EIF2D: variants seen among roughly 807,000 people sequenced by gnomAD.
EIF2D encodes hepatocellular carcinoma-associated antigen 56.
In EIF2D, 56 loss-of-function variants were observed where a neutral mutation model predicts 77.4. That is an observed-to-expected ratio of 0.72 (90% CI 0.58 to 0.90). EIF2D has a LOEUF of 0.90. Ranked by LOEUF, EIF2D falls within the 40% of genes least tolerant of loss-of-function variation. The probability of loss-of-function intolerance (pLI) is 0.00; values close to 1 mark genes in which losing one functional copy is unlikely to be tolerated. For synonymous variants in EIF2D, 230 were observed against 271.0 expected, an observed-to-expected ratio of 0.85 and a Z score of 1.49; for missense variants, 574 against 706.5, an observed-to-expected ratio of 0.81 and a Z score of 2.13.
chr1:206,591,635 A>G (rs1553408960), downstream of EIF2D: 1 of 770,386 alleles, frequency 1.3e-6, no homozygotes, highest in Non-Finnish European at 2.1e-6. Flanking sequence ...ACAAGAGGGA[A>G]GTCAGATTTA....
intron 7 of EIF2D, 47 bp downstream of exon 7, chr1:206,602,289 G>C (rs368369867): frequency 6.6e-7 from 1 of 1,514,406 alleles, no homozygotes; most frequent in Admixed American, 1.7e-5. Context: ...AGGAGCACAC[G>C]TGAGACCCCG....
Position 206,584,858 on chromosome 1 carries a change from G to A in EIF2D, c.139-3696C>T, listed in dbSNP as rs1669046321. 1.3e-5 allele frequency: 9 copies of A among 688,730 alleles called. No individual in the cohort carries two copies. Among genetic ancestry groups the A allele is most frequent in the Non-Finnish European group, 2.2e-5 (9 of 412,946 alleles). The allele number at this position is 688,730 out of a possible 1,614,324, so 42.7% of individuals were successfully genotyped here. A position where few individuals can be genotyped will look rare whatever the true frequency, so the allele number is the denominator to read the frequency against. On this transcript the variant is annotated intron_variant and NMD_transcript_variant, in intron 2 of 5. Coordinates refer to the EIF2D transcript ENST00000472709. This position sits in a 1 kb window ranked among gnomAD's most constrained non-coding sequence, Gnocchi z 4.9. ...GAATCCGGGCAGGGAGGCAAGAGCA[G>A]AGTCCCTGACTCTGCATGTGACTTC...
downstream of EIF2D, chr1:206,589,120 A>T (rs1669256287): frequency 6.5e-6 from 1 of 152,720 alleles, no homozygotes; most frequent in Admixed American, 6.5e-5. Flanking sequence ...AGTATCGAGT[A>T]CCCGTTCCCT....
chr1:206,589,838 A>C (rs1321342179), downstream of EIF2D, among the ~76,000 whole-genome samples: 1 of 152,224 alleles, frequency 6.6e-6, no homozygotes, highest in Non-Finnish European at 1.5e-5. Flanking sequence ...TCCAGTATTG[A>C]TCACATAGAA....
At chr1:206,598,304 T>C (rs1292597942) in intron 11 of EIF2D, among the ~76,000 whole-genome samples, 2 of 152,182 alleles carry the variant, frequency 1.3e-5, no homozygotes, top group Admixed American at 6.5e-5. Flanking sequence ...TACAAAAATG[T>C]TGGGATTACA....
At chr1:206,598,885 T>A in intron 11 of EIF2D, 118 bp downstream of exon 11, 11 of 988,830 alleles carry the variant, frequency 1.1e-5, no homozygotes, top group Non-Finnish European at 1.7e-5. Context: ...CTGATCTTAA[T>A]TACCTCTAAG....
chr1:206,609,509 T>C lies in EIF2D; in HGVS notation c.248-50A>G, dbSNP rs369850724. 1.3e-4 allele frequency: 195 copies of C among 1,486,664 alleles called. No homozygotes were observed. The African/African-American group carries it at 2.2e-3, about 16-fold the overall frequency. The allele number at this position is 1,486,664 out of a possible 1,614,324, so 92.1% of individuals were successfully genotyped here. A position where few individuals can be genotyped will look rare whatever the true frequency, so the allele number is the denominator to read the frequency against. ...CACTACTACCAAAAAGCCAATCTTC[T>C]AGAGAAATGGAAAAACCTAACACTA... On this transcript the variant is annotated intron_variant, in intron 2 of 14. Transcript: ENST00000271764.
chr1:206,602,545 C>T (rs1553411539), intron 6 of EIF2D, 92 bp from the exon 7 acceptor site: 1 of 1,145,412 alleles, frequency 8.7e-7, no homozygotes, highest in East Asian at 2.3e-5. Flanking sequence ...CTACCTCACC[C>T]ACTTGGCTCT....
At chr1:206,571,474 G>T (rs904706242) in exon 6 of EIF2D, 4 of 152,196 alleles carry the variant, frequency 2.6e-5, no homozygotes, top group African/African-American at 9.7e-5. Flanking sequence ...TAACTCTGCA[G>T]TACTCTGGTT....
At position 206,578,344 on chromosome 1, in the gene EIF2D, T is replaced by C. The variant is rs375023507; in HGVS notation, c.*254+2348A>G. On this transcript the variant is annotated intron_variant and NMD_transcript_variant, in intron 4 of 5. Coordinates refer to the EIF2D transcript ENST00000472709. ...AGCTTTAACCTTCCTGTGGCTCACT[T>C]TCCTTGACTGTAAAATGAGCATCAT... 7.9e-5 allele frequency among the ~76,000 whole-genome samples: 12 copies of C among 152,126 alleles called. No individual in the cohort carries two copies. The East Asian group carries it at 2.3e-3, about 29-fold the overall frequency.
In EIF2D at chr1:206,612,411, G is replaced by C; in HGVS notation, c.-69C>G. ...ATGTCAAGAAAGCGAGGGCGCAGCA[G>C]CTGCCAGGCCCTCAGCCGTGGGGGC... On this transcript the variant is annotated 5_prime_UTR_variant, in exon 1 of 15. Transcript: ENST00000271764. 1.2e-6 allele frequency: 2 copies of C among 1,600,700 alleles called. No individual in the cohort carries two copies. Among genetic ancestry groups the C allele is most frequent in the Non-Finnish European group, 1.7e-6 (2 of 1,168,346 alleles).
chr1:206,597,166 T>C lies in EIF2D; in HGVS notation c.1322A>G (p.Asp441Gly), dbSNP rs782523276. The C allele has an allele frequency of 3.1e-6, 5 of 1,613,814 alleles. No homozygotes were observed. The African/African-American group carries it at 6.7e-5, about 22-fold the overall frequency. The part of the protein sequence containing the change: ...NLVRLDPILC[D>G]CILEKNEQHT... ...CTGTTCATTTTTCTCTAAGATGCAG[T>C]CACATAGGATGGGATCCAATCTCAC... Residue 441 changes from aspartate (D) to glycine (G), a missense_variant, in exon 12 of 15, where the codon GAC becomes GGC. Coordinates refer to ENST00000271764, the MANE Select transcript of EIF2D (RefSeq NM_006893.3).
intron 4 of EIF2D, among the ~76,000 whole-genome samples, chr1:206,578,222 CAA>C (rs79362621): frequency 6.6e-5 from 9 of 137,248 alleles, no homozygotes; most frequent in Non-Finnish European, 1.3e-4. Flanking sequence ...GGAGACATCT[CAA>C]AAAAAAAAAG....
chr1:206,596,950 T>C (rs1047734608), intron 12 of EIF2D, 150 bp downstream of exon 12: 12 of 564,778 alleles, frequency 2.1e-5, no homozygotes, highest in Admixed American at 3.3e-5. Flanking sequence ...CAAATCAGAG[T>C]TCCTCAAGCC....
intron 2 of EIF2D, chr1:206,585,315 G>A: frequency 6.3e-7 from 1 of 1,595,156 alleles, no homozygotes; most frequent in Admixed American, 1.7e-5. Context: ...GACCCATTGT[G>A]CAAACCCAGG....
intron 14 of EIF2D, 136 bp from the exon 15 acceptor site, chr1:206,591,981 C>T: frequency 1.3e-6 from 1 of 746,904 alleles, no homozygotes; most frequent in East Asian, 2.5e-5. Flanking sequence ...CTTACGCCTA[C>T]ACCTCACAGC....
At chr1:206,612,179 C>T (rs1670529356) in intron 1 of EIF2D, 108 bp downstream of exon 1, 7 of 1,480,768 alleles carry the variant, frequency 4.7e-6, no homozygotes, top group South Asian at 1.1e-5. Context: ...GCATACCCCT[C>T]GGCCTCCACC....
intron 2 of EIF2D, chr1:206,583,313 G>A (rs1553406779): frequency 1.2e-6 from 2 of 1,613,436 alleles, no homozygotes; most frequent in Non-Finnish European, 1.7e-6. Context: ...CGCCCACACT[G>A]CAGGAGATCA....
At chr1:206,612,065 T>C (rs1670523694) in intron 1 of EIF2D, among the ~76,000 whole-genome samples, 1 of 152,222 alleles carries the variant, frequency 6.6e-6, no homozygotes. Context: ...TTAACTACGT[T>C]TTCTTTTAAA....
Sources: allele counts gnomAD v4.1 joint callset (sites outside exome capture counted in the v4.1 genomes callset), GRCh38; gene constraint gnomAD v4.1.1; non-coding constraint Gnocchi (gnomAD v3.1); transcripts MANE v1.5; gene names NCBI Gene and HGNC (gene_info 2026-07-23, HGNC 2026-07-21).